ST8SIA5: variants seen among roughly 807,000 people sequenced by gnomAD.
ST8SIA5 encodes ST8 alpha-N-acetyl-neuraminide alpha-2,8-sialyltransferase 5.
Under a neutral mutation model 40.2 loss-of-function variants are expected in ST8SIA5, and 24 were observed. That is an observed-to-expected ratio of 0.60 (90% CI 0.43 to 0.84). The LOEUF (loss-of-function observed/expected upper bound fraction) is 0.84. Among genes scored for constraint, ST8SIA5 ranks in the 40% least tolerant of loss-of-function variants. The pLI is 0.00. For synonymous variants in ST8SIA5, 198 were observed against 201.8 expected, an observed-to-expected ratio of 0.98 and a Z score of 0.16; for missense variants, 465 against 498.5, an observed-to-expected ratio of 0.93 and a Z score of 0.64.
intron 2 of ST8SIA5, among the ~76,000 whole-genome samples, chr18:46,696,626 G>C (rs2096124155): frequency 6.6e-6 from 1 of 152,224 alleles, no homozygotes; most frequent in Non-Finnish European, 1.5e-5. Flanking sequence ...ACGGCTGGCT[G>C]CTGCCCTTCC....
intron 1 of ST8SIA5, 126 bp downstream of exon 1, chr18:46,756,252 G>A: frequency 7.4e-7 from 1 of 1,350,640 alleles, no homozygotes; most frequent in Non-Finnish European, 9.9e-7. Context: ...GGCCATGCTC[G>A]GGGCTAGGAG....
chr18:46,695,764 A>T (rs2039551698), intron 2 of ST8SIA5, among the ~76,000 whole-genome samples: 1 of 152,234 alleles, frequency 6.6e-6, no homozygotes, highest in African/African-American at 2.4e-5. Flanking sequence ...CACATAGCAG[A>T]TGCGTGGTAA....
At chr18:46,753,720 G>A (rs1490053708) in intron 1 of ST8SIA5, among the ~76,000 whole-genome samples, 3 of 152,180 alleles carry the variant, frequency 2.0e-5, no homozygotes, top group Non-Finnish European at 2.9e-5. Context: ...TGCATTATAG[G>A]TCTTTACAAC....
intron 2 of ST8SIA5, among the ~76,000 whole-genome samples, chr18:46,703,920 GAA>G (rs918956442): frequency 6.6e-6 from 1 of 152,142 alleles, no homozygotes. Flanking sequence ...CCTGTGGGTT[GAA>G]AAGAGCTATA....
intron 1 of ST8SIA5, among the ~76,000 whole-genome samples, chr18:46,729,556 C>A (rs1181422289): frequency 6.6e-6 from 1 of 152,134 alleles, no homozygotes; most frequent in Non-Finnish European, 1.5e-5. Context: ...GGACTGCAGC[C>A]ATAGAGGTGT....
intron 1 of ST8SIA5, among the ~76,000 whole-genome samples, chr18:46,739,490 C>T (rs1298239899): frequency 1.3e-5 from 2 of 152,264 alleles, no homozygotes; most frequent in South Asian, 2.1e-4. Context: ...GCTGAGATAG[C>T]GCCACTGCAC....
intron 5 of ST8SIA5, among the ~76,000 whole-genome samples, chr18:46,682,707 T>C (rs2039409863): frequency 6.6e-6 from 1 of 152,196 alleles, no homozygotes; most frequent in Admixed American, 6.5e-5. Context: ...GATGGAGCCA[T>C]TGCCCTGAGT....
intron 1 of ST8SIA5, among the ~76,000 whole-genome samples, chr18:46,719,682 T>TCTTTCTTTCTTTCTTTCTTTC (rs138438614): frequency 2.8e-5 from 3 of 107,064 alleles, no homozygotes; most frequent in South Asian, 3.8e-4. Flanking sequence ...TTCTTTTCTT[T>TCTTTCTTTCTTTCTTTCTTTC]TTTCTTTCTT....
chr18:46,704,496 G>GC, intron 2 of ST8SIA5, 76 bp downstream of exon 2: 2 of 1,283,764 alleles, frequency 1.6e-6, no homozygotes. Flanking sequence ...TTCCACCCTT[G>GC]CCCCCACGCA....
chr18:46,728,486 C>A (rs2039953934), intron 1 of ST8SIA5, among the ~76,000 whole-genome samples: 1 of 152,204 alleles, frequency 6.6e-6, no homozygotes, highest in African/African-American at 2.4e-5. Context: ...GTGGTTGAAC[C>A]AAAAGAGGCT....
intron 5 of ST8SIA5, among the ~76,000 whole-genome samples, chr18:46,682,539 T>C (rs940492647): frequency 6.6e-6 from 1 of 152,236 alleles, no homozygotes; most frequent in African/African-American, 2.4e-5. Context: ...CAACACATAT[T>C]GCATGCAAAA....
chr18:46,724,344 C>A (rs917562506), intron 1 of ST8SIA5, among the ~76,000 whole-genome samples: 1 of 152,226 alleles, frequency 6.6e-6, no homozygotes. Context: ...AACAGTAGAC[C>A]CTGTTCTCAT....
intron 1 of ST8SIA5, among the ~76,000 whole-genome samples, chr18:46,708,565 C>T (rs1453832854): frequency 6.6e-6 from 1 of 152,140 alleles, no homozygotes; most frequent in East Asian, 1.9e-4. Context: ...TATCAGGCTC[C>T]CATACTCTTG....
chr18:46,689,546 C>G (rs2039482638), intron 3 of ST8SIA5, among the ~76,000 whole-genome samples: 1 of 151,480 alleles, frequency 6.6e-6, no homozygotes, highest in South Asian at 2.1e-4. Context: ...GTGATTCCAG[C>G]TTGCAAAAGC....
chr18:46,704,607 C>T lies in ST8SIA5; in HGVS notation c.189G>A (p.Leu63=), dbSNP rs766470658. The T allele has an allele frequency of 3.1e-6, 5 of 1,614,096 alleles. No individual in the cohort carries two copies. The African/African-American group carries it at 6.7e-5, about 22-fold the overall frequency. The change falls in exon 2 of 7, where the codon CTG becomes CTA. Residue 63 remains leucine (L), a synonymous_variant. Transcript: ENST00000315087. ...FEYNSTRCLE[L]RHEILEVKVL... ...CCTTCACTTCCAATATTTCGTGCCTCAGCTCCAGGCATCTTGTGGAGTTAT... is the reference window on the plus strand; with the variant it reads ...CCTTCACTTCCAATATTTCGTGCCTTAGCTCCAGGCATCTTGTGGAGTTAT...
At chr18:46,700,712 G>A (rs1189545970) in intron 2 of ST8SIA5, among the ~76,000 whole-genome samples, 1 of 152,190 alleles carries the variant, frequency 6.6e-6, no homozygotes, top group African/African-American at 2.4e-5. Context: ...CCCCAGCTAG[G>A]ATGGCTGCTC....
In ST8SIA5 at chr18:46,670,068, C is replaced by CAA. The variant is rs372441557; in HGVS notation, c.*9972_*9973dup. 17 of 134,506 alleles carry CAA rather than the reference C, an allele frequency of 1.3e-4. No individual in the cohort carries two copies. The highest frequency in any genetic ancestry group is 1.8e-4 in the Non-Finnish European group (11 of 61,676). The allele number at this position is 134,506 out of a possible 1,614,324, so 8.3% of individuals were successfully genotyped here. A position where few individuals can be genotyped will look rare whatever the true frequency, so the allele number is the denominator to read the frequency against. ...TGGGTGACAGAGTGAGACTCCATCT[C>CAA]AAAAAAAAAAAAAGAGTGAGTTTAC... On this transcript the variant is annotated 3_prime_UTR_variant, in exon 7 of 7. Coordinates refer to ENST00000315087, the MANE Select transcript of ST8SIA5 (RefSeq NM_013305.6).
intron 1 of ST8SIA5, among the ~76,000 whole-genome samples, chr18:46,739,483 G>A (rs1043598207): frequency 1.3e-5 from 2 of 152,202 alleles, no homozygotes; most frequent in East Asian, 3.9e-4. Flanking sequence ...GCAGTGAGCT[G>A]AGATAGCGCC....
intron 2 of ST8SIA5, among the ~76,000 whole-genome samples, chr18:46,701,917 G>A (rs1458389174): frequency 6.6e-6 from 1 of 152,172 alleles, no homozygotes; most frequent in Admixed American, 6.5e-5. Flanking sequence ...GGAGGCCAAG[G>A]CGGGTGGATC....
Sources: allele counts gnomAD v4.1 joint callset (sites outside exome capture counted in the v4.1 genomes callset), GRCh38; gene constraint gnomAD v4.1.1; transcripts MANE v1.5; gene names NCBI Gene and HGNC (gene_info 2026-07-23, HGNC 2026-07-21).